The following RNF25 variants were observed in gnomAD, a reference collection of about 807,000 sequenced individuals.
RNF25 encodes ring finger protein 25, also known as E3 ubiquitin-protein ligase RNF25.
Under a neutral mutation model 65.0 loss-of-function variants are expected in RNF25, and 32 were observed. The observed-to-expected ratio is 0.49, with a 90% CI of 0.37 to 0.66. The LOEUF is 0.66. Among genes scored for constraint, RNF25 ranks in the 30% least tolerant of loss-of-function variants. The pLI is 0.00. For synonymous variants in RNF25, 207 were observed against 221.2 expected (o/e 0.94, Z 0.57); for missense variants, 493 against 584.8 (o/e 0.84, Z 1.62).
chr2:218,671,240 C>A (rs1418026143), intron 1 of RNF25, among the ~76,000 whole-genome samples: 1 of 150,802 alleles, frequency 6.6e-6, no homozygotes, highest in East Asian at 1.9e-4. Flanking sequence ...ATCCTCTCAA[C>A]TATTCTGAGG....
At chr2:218,668,447 C>T (rs1575114886) in intron 2 of RNF25, 106 bp from the exon 3 acceptor site, 1 of 997,592 alleles carries the variant, frequency 1.0e-6, no homozygotes, top group East Asian at 2.4e-5. Flanking sequence ...ACACATTGGA[C>T]TCTTTCTTTT....
At chr2:218,670,189 ACT>A (rs1299251951) in intron 1 of RNF25, among the ~76,000 whole-genome samples, 2 of 145,776 alleles carry the variant, frequency 1.4e-5, no homozygotes, top group Non-Finnish European at 3.0e-5. Context: ...ACAAAGTAAG[ACT>A]CTGTCTCTTA....
chr2:218,665,772 C>T, intron 7 of RNF25, 144 bp downstream of exon 7: 2 of 1,004,804 alleles, frequency 2.0e-6, no homozygotes. Context: ...GCCCTTTATT[C>T]TGGACAGAGG....
At chr2:218,670,467 G>C (rs1286288538) in intron 1 of RNF25, among the ~76,000 whole-genome samples, 1 of 151,806 alleles carries the variant, frequency 6.6e-6, no homozygotes, top group Non-Finnish European at 1.5e-5. Flanking sequence ...AGGCTGAGGC[G>C]GGTGGATCAT....
chr2:218,667,192 T>G (rs1939840371), intron 5 of RNF25, among the ~76,000 whole-genome samples: 1 of 149,018 alleles, frequency 6.7e-6, no homozygotes, highest in African/African-American at 2.6e-5. Context: ...TTAAAATTAA[T>G]AAATAAACAA....
chr2:218,665,269 T>A, intron 7 of RNF25, 22 bp from the exon 8 acceptor site: 1 of 1,608,098 alleles, frequency 6.2e-7, no homozygotes, highest in Non-Finnish European at 8.5e-7. Flanking sequence ...AAAAATCATA[T>A]GCCTGTGTCA....
chr2:218,671,893 C>T (rs1372018512), intron 1 of RNF25, 37 bp downstream of exon 1: 2 of 1,613,550 alleles, frequency 1.2e-6, no homozygotes, highest in South Asian at 2.2e-5. Flanking sequence ...TGGACTAGAT[C>T]CAGGCTGTCA....
At chr2:218,666,646 G>C (rs1939830966) in intron 5 of RNF25, among the ~76,000 whole-genome samples, 1 of 152,202 alleles carries the variant, frequency 6.6e-6, no homozygotes, top group South Asian at 2.1e-4. Flanking sequence ...GCATGACAAG[G>C]CATGGACAAC....
rs924282428 is a variant in RNF25, at chr2:218,668,777, A to C, written c.42-98T>G. On this transcript the variant is annotated intron_variant, in intron 1 of 9. Transcript: ENST00000295704. Reference sequence around the variant, plus strand: ...AGGCTTTGTAGAAAAATGGCAATCTACCAGAATGCATTCTCCTGCTAAACT... The same window carrying C: ...AGGCTTTGTAGAAAAATGGCAATCTCCCAGAATGCATTCTCCTGCTAAACT... The C allele has an allele frequency of 4.5e-5, 37 of 819,538 alleles. No individual in the cohort carries two copies. The South Asian group carries it at 5.2e-4, about 11-fold the overall frequency. 50.8% of individuals were successfully genotyped at this position (819,538 alleles called of 1,614,324 possible).
chr2:218,664,140 T>C lies in RNF25; in HGVS notation c.1197A>G (p.Gln399=), dbSNP rs758872962. The change falls in exon 10 of 10, where the codon CAA becomes CAG. Residue 399 remains glutamine (Q), a synonymous_variant. Transcript: ENST00000295704. This position sits in a 1 kb window ranked among gnomAD's most constrained non-coding sequence, Gnocchi z 5.1. The stretch of plus-strand genomic sequence containing the variant: ...CCTGCCAGCTGCCAGGCCCCTTCTC[T>C]TGTGGAGGACCTTCAACTCCTTGGC... ...PHSQGVEGPP[Q]EKGPGSWQGP... is the part of the protein sequence containing the mutation. 4.6e-6 allele frequency: 7 copies of C among 1,531,678 alleles called. No individual in the cohort carries two copies. Among genetic ancestry groups the C allele is most frequent in the Middle Eastern group, 1.8e-4 (1 of 5,658 alleles). 94.9% of individuals were successfully genotyped at this position (1,531,678 alleles called of 1,614,324 possible).
chr2:218,664,547 T>C lies in RNF25; in HGVS notation c.802-12A>G, dbSNP rs762904984. 3 of 1,608,690 alleles carry C rather than the reference T, an allele frequency of 1.9e-6. No individual in the cohort carries two copies. The highest frequency in any genetic ancestry group is 2.2e-5 in the East Asian group (1 of 44,800). On this transcript the variant is annotated splice_polypyrimidine_tract_variant and intron_variant, in intron 9 of 9. Coordinates refer to ENST00000295704, the MANE Select transcript of RNF25 (RefSeq NM_022453.3). The surrounding 1 kb of genome is among the most constrained non-coding windows in gnomAD (Gnocchi z 5.1). ...GCAGGGGCAGGAGGCTAGAAATAAG[T>C]GACAAGATGCAGTGAGGGAGATGCA...
Position 218,664,054 on chromosome 2 carries a change from GGTGTCCGGCCTTTAGAGCGCTCCCA to G in RNF25, c.1258_1282del (p.Trp420ProfsTer?). 1 of 1,503,668 alleles carries G rather than the reference GGTGTCCGGCCTTTAGAGCGCTCCCA, an allele frequency of 6.7e-7. No individual in the cohort carries two copies. The highest frequency in any genetic ancestry group is 8.9e-7 in the Non-Finnish European group (1 of 1,126,830). 93.1% of individuals were successfully genotyped at this position (1,503,668 alleles called of 1,614,324 possible). ...AGGCAGGCGAGGGTAGGAAGAACCGGGTGTCCGGCCTTTAGAGCGCTCCCAGCGAACACAGTCCCGAGTCCTGCGG... is the reference window on the plus strand; with the variant it reads ...AGGCAGGCGAGGGTAGGAAGAACCGGGCGAACACAGTCCCGAGTCCTGCGG... On this transcript the variant is annotated frameshift_variant, in exon 10 of 10. Transcript: ENST00000295704. LOFTEE classifies it high-confidence loss of function. The surrounding 1 kb of genome is among the most constrained non-coding windows in gnomAD (Gnocchi z 5.1).
chr2:218,671,860 G>T, intron 1 of RNF25, 70 bp downstream of exon 1: 1 of 1,570,000 alleles, frequency 6.4e-7, no homozygotes, highest in Non-Finnish European at 8.7e-7. Flanking sequence ...CGTACGGACC[G>T]TCTGCGACAG....
chr2:218,668,015 G>A (rs369705892), intron 4 of RNF25, 34 bp from the exon 5 acceptor site: 12 of 1,613,344 alleles, frequency 7.4e-6, no homozygotes, highest in Non-Finnish European at 1.0e-5. Flanking sequence ...TATTAGACCT[G>A]CCCATTTCTG....
chr2:218,668,744 A>G, intron 1 of RNF25, 65 bp from the exon 2 acceptor site: 2 of 1,125,380 alleles, frequency 1.8e-6, no homozygotes, highest in Non-Finnish European at 2.7e-6. Context: ...GCTAAGGCCA[A>G]TAAAGGCAGG....
chr2:218,668,057 T>C, intron 4 of RNF25, 22 bp downstream of exon 4: 3 of 1,613,502 alleles, frequency 1.9e-6, no homozygotes, highest in South Asian at 1.1e-5. Context: ...GAGTTTTCCC[T>C]GTTCTGACAG....
At chr2:218,665,604 G>C (rs1038240110) in intron 7 of RNF25, among the ~76,000 whole-genome samples, 2 of 151,918 alleles carry the variant, frequency 1.3e-5, no homozygotes, top group African/African-American at 4.8e-5. Context: ...TCAGCTGGGC[G>C]TGGTGGCTCG....
rs755631978 is a variant in RNF25, at chr2:218,663,913, C to T, written c.*44G>A. The T allele has an allele frequency of 2.2e-6, 3 of 1,380,460 alleles. No individual in the cohort carries two copies. The Admixed American group carries it at 8.0e-5, about 37-fold the overall frequency. The allele number at this position is 1,380,460 out of a possible 1,614,324, so 85.5% of individuals were successfully genotyped here. ...CAAAGAAGGCCAAATATCTTTATTG[C>T]CTCCCTCCCATCCCCAATTCCCTGT... On this transcript the variant is annotated 3_prime_UTR_variant, in exon 10 of 10. Coordinates refer to ENST00000295704, the MANE Select transcript of RNF25 (RefSeq NM_022453.3).
Position 218,663,939 on chromosome 2 carries a change from TC to T in RNF25, c.*17del, listed in dbSNP as rs756620197. On this transcript the variant is annotated 3_prime_UTR_variant, in exon 10 of 10. Transcript: ENST00000295704. ...CTCCCTCCCATCCCCAATTCCCTGT[TC>T]CCCCCACCAAGTCCTGCTAGGAACC... 9.2e-6 allele frequency: 13 copies of T among 1,420,456 alleles called. No individual in the cohort carries two copies. In the South Asian group the frequency reaches 2.6e-4, roughly 28 times the overall value. 88.0% of individuals were successfully genotyped at this position (1,420,456 alleles called of 1,614,324 possible).
Sources: gnomAD v4.1 joint callset for allele counts (sites outside exome capture counted in the v4.1 genomes callset) on GRCh38, gnomAD v4.1.1 for gene constraint, Gnocchi (gnomAD v3.1) non-coding constraint, MANE v1.5 for transcripts, NCBI Gene and HGNC (gene_info 2026-07-23, HGNC 2026-07-21) for gene names.